The following WDPCP variants were observed in gnomAD, a reference collection of about 807,000 sequenced individuals.
The protein encoded by WDPCP is WD repeat-containing and planar cell polarity effector protein fritz homolog.
Under a neutral mutation model 93.1 loss-of-function variants are expected in WDPCP, and 71 were observed. That is an observed-to-expected ratio of 0.76 (90% confidence interval 0.63 to 0.93). The LOEUF (loss-of-function observed/expected upper bound fraction) is 0.93, where lower values mean the gene tolerates loss of function less well. WDPCP is among the 40% of genes least tolerant of loss of function. WDPCP has a pLI of 0.00. For missense variants in WDPCP, 844 were observed against 887.4 expected (o/e 0.95, Z 0.62); for synonymous variants, 315 against 315.0 (o/e 1.00, Z 0.00).
At chr2:63,365,685 C>T (rs74403055) in intron 12 of WDPCP, among the ~76,000 whole-genome samples, 2,346 of 152,170 alleles carry the variant, frequency 0.015, 62 homozygotes, top group African/African-American at 0.054. Flanking sequence ...GAAAATGGCC[C>T]TATGCAGACA....
intron 1 of WDPCP, among the ~76,000 whole-genome samples, chr2:63,543,675 T>C (rs1391011337): frequency 6.6e-6 from 1 of 152,020 alleles, no homozygotes; most frequent in Non-Finnish European, 1.5e-5. Flanking sequence ...TACATAGGAA[T>C]GCAAGGGTTT....
intron 3 of WDPCP, among the ~76,000 whole-genome samples, chr2:63,614,398 A>T (rs1197110435): frequency 6.6e-6 from 1 of 152,220 alleles, no homozygotes; most frequent in African/African-American, 2.4e-5. Context: ...ATGTTTACCC[A>T]CTTAGTCTTA....
chr2:63,713,436 A>G (rs1669290881), intron 2 of WDPCP, among the ~76,000 whole-genome samples: 1 of 152,196 alleles, frequency 6.6e-6, no homozygotes, highest in South Asian at 2.1e-4. Flanking sequence ...GGGCTCCACT[A>G]CATCTTCAAT....
chr2:63,214,410 C>T (rs1677126536), intron 14 of WDPCP, among the ~76,000 whole-genome samples: 1 of 152,126 alleles, frequency 6.6e-6, no homozygotes, highest in Non-Finnish European at 1.5e-5. Flanking sequence ...AGGCCTTCGA[C>T]AAAATTCAAC....
In WDPCP at chr2:63,134,501, T is replaced by A. The variant is rs375345576; in HGVS notation, c.2191-12445A>T. Among the ~76,000 whole-genome samples the A allele has an allele frequency of 2.2e-4, 34 of 152,354 alleles. 1 individual carries two copies. The South Asian group carries it at 6.8e-3, about 31-fold the overall frequency. Reference sequence around the variant, plus strand: ...ACACCCACACAGACATACACATACATGTACACATATTGTTTTCATAGAATG... The same window carrying A: ...ACACCCACACAGACATACACATACAAGTACACATATTGTTTTCATAGAATG... On this transcript the variant is annotated intron_variant, in intron 17 of 17. Transcript: ENST00000272321.
At chr2:63,359,286 C>A (rs1414297376) in intron 12 of WDPCP, among the ~76,000 whole-genome samples, 1 of 152,206 alleles carries the variant, frequency 6.6e-6, no homozygotes, top group Admixed American at 6.5e-5. Flanking sequence ...TGCAACCTTG[C>A]ATTTCCAAGG....
intron 2 of WDPCP, among the ~76,000 whole-genome samples, chr2:63,682,875 TAACTATAAC>T (rs1488504603): frequency 2.1e-5 from 3 of 146,308 alleles, no homozygotes; most frequent in African/African-American, 8.3e-5. Flanking sequence ...TCAAAAACAA[TAACTATAAC>T]AACTTTTTAA....
At position 63,297,448 on chromosome 2, in the gene WDPCP, C is replaced by T. The variant is rs576576697; in HGVS notation, c.1812+15800G>A. 4.1e-4 allele frequency among the ~76,000 whole-genome samples: 63 copies of T among 152,280 alleles called. 1 individual carries two copies. The highest frequency in any genetic ancestry group is 8.8e-5 in the Non-Finnish European group (6 of 68,020). ...CTGTCAGGTGCATGTGCCATACACT[C>T]CACCCTAACATACTCTTGAATGGCC... On this transcript the variant is annotated intron_variant, in intron 13 of 17. Coordinates refer to ENST00000272321, the MANE Select transcript of WDPCP (RefSeq NM_015910.7).
intron 12 of WDPCP, among the ~76,000 whole-genome samples, chr2:63,375,287 C>T (rs1375905383): frequency 6.6e-6 from 1 of 152,004 alleles, no homozygotes. Context: ...TATTCAATTT[C>T]ATGGAGGCAG....
chr2:63,823,234 G>A (rs924726698), intron 1 of WDPCP, among the ~76,000 whole-genome samples: 1 of 150,514 alleles, frequency 6.6e-6, no homozygotes, highest in Non-Finnish European at 1.5e-5. Flanking sequence ...TTGGCCAGGC[G>A]CAGTAGCTCA....
chr2:63,562,361 T>C (rs1041128155), intron 1 of WDPCP, among the ~76,000 whole-genome samples: 4 of 151,926 alleles, frequency 2.6e-5, no homozygotes, highest in African/African-American at 7.3e-5. Context: ...ACACACTGGG[T>C]AGAGCCTGTC....
upstream of WDPCP, chr2:63,590,925 TAGGGAGTGACAGC>T (rs1709190204): frequency 6.6e-6 from 1 of 152,232 alleles, no homozygotes; most frequent in Non-Finnish European, 1.5e-5. Flanking sequence ...TTGTTGTCTG[TAGGGAGTGACAGC>T]AAAATAAACT....
At chr2:63,343,638 T>C (rs1264439545) in intron 12 of WDPCP, among the ~76,000 whole-genome samples, 2 of 152,178 alleles carry the variant, frequency 1.3e-5, no homozygotes, top group East Asian at 3.9e-4. Flanking sequence ...CTTTCTTCTT[T>C]TTCTAGGGCT....
intron 1 of WDPCP, among the ~76,000 whole-genome samples, chr2:63,573,266 C>T (rs1262680382): frequency 1.3e-5 from 2 of 151,186 alleles, no homozygotes; most frequent in Admixed American, 6.6e-5. Context: ...AAAAAGGATT[C>T]GTTGCTGGAT....
intron 6 of WDPCP, among the ~76,000 whole-genome samples, chr2:63,449,596 C>T (rs1346685921): frequency 2.6e-5 from 4 of 152,112 alleles, no homozygotes; most frequent in Admixed American, 6.5e-5. Flanking sequence ...GGTCCACATC[C>T]CCACTATGGA....
At chr2:63,560,577 G>A (rs933177616) in intron 1 of WDPCP, among the ~76,000 whole-genome samples, 6 of 152,130 alleles carry the variant, frequency 3.9e-5, no homozygotes, top group South Asian at 2.1e-4. Context: ...GACTTGGAAC[G>A]AACCCAAATG....
At chr2:63,808,368 T>C (rs866665121) in intron 2 of WDPCP, among the ~76,000 whole-genome samples, 1 of 105,304 alleles carries the variant, frequency 9.5e-6, no homozygotes. Flanking sequence ...TCCCTCTCTT[T>C]CCACGGTCTC....
chr2:63,666,999 T>G (rs2604614), intron 2 of WDPCP, among the ~76,000 whole-genome samples: 123,711 of 152,110 alleles, frequency 0.81, 50,904 homozygotes, highest in East Asian at 0.98. Context: ...TGAGATACTT[T>G]GCTAAATGGA....
At chr2:63,536,447 C>G (rs974424053) in intron 1 of WDPCP, among the ~76,000 whole-genome samples, 1 of 152,110 alleles carries the variant, frequency 6.6e-6, no homozygotes, top group Admixed American at 6.5e-5. Flanking sequence ...ATAGCGAAGA[C>G]TTGGAACCAA....
Sources: gnomAD v4.1 joint callset for allele counts (sites outside exome capture counted in the v4.1 genomes callset) on GRCh38, gnomAD v4.1.1 for gene constraint, MANE v1.5 for transcripts, NCBI Gene and HGNC (gene_info 2026-07-23, HGNC 2026-07-21) for gene names.